The following TMEM45A variants were observed in gnomAD, a reference collection of about 807,000 sequenced individuals.
TMEM45A encodes transmembrane protein 45A, also known as DNA polymerase-transactivated protein 4.
In TMEM45A, 25 loss-of-function variants were observed where a neutral mutation model predicts 32.0. That is an observed-to-expected ratio of 0.78 (90% CI 0.57 to 1.09). The LOEUF (loss-of-function observed/expected upper bound fraction) is 1.09. TMEM45A is among the 50% of genes least tolerant of loss of function. TMEM45A has a pLI of 0.00. For synonymous variants in TMEM45A, 122 were observed against 114.8 expected (o/e 1.06, Z -0.40); for missense variants, 302 against 325.0 (o/e 0.93, Z 0.54).
intron 1 of TMEM45A, among the ~76,000 whole-genome samples, chr3:100,542,345 G>C (rs1705900469): frequency 6.6e-6 from 1 of 151,970 alleles, no homozygotes; most frequent in Admixed American, 6.6e-5. Context: ...ATGAATACTA[G>C]AAGGATCGTA....
intron 1 of TMEM45A, among the ~76,000 whole-genome samples, chr3:100,494,110 G>C (rs1174168986): frequency 1.3e-5 from 2 of 152,144 alleles, no homozygotes; most frequent in Non-Finnish European, 2.9e-5. Flanking sequence ...GATAGTTCCG[G>C]TATACATTAC....
At chr3:100,546,423 T>C (rs957234596) in intron 1 of TMEM45A, among the ~76,000 whole-genome samples, 1 of 152,256 alleles carries the variant, frequency 6.6e-6, no homozygotes, top group African/African-American at 2.4e-5. Context: ...GATCCTTAGA[T>C]ACAAAGTGAT....
intron 1 of TMEM45A, among the ~76,000 whole-genome samples, chr3:100,505,486 A>G (rs1372680250): frequency 6.6e-6 from 1 of 152,170 alleles, no homozygotes; most frequent in East Asian, 1.9e-4. Flanking sequence ...CAGGAAATTT[A>G]TGTTTAATAG....
At chr3:100,557,066 C>G (rs1018821789) in intron 3 of TMEM45A, 94 bp downstream of exon 3, 15 of 1,382,016 alleles carry the variant, frequency 1.1e-5, no homozygotes, top group African/African-American at 2.8e-5. Context: ...CTTGTTGCAG[C>G]CTTGATTGAT....
intron 1 of TMEM45A, among the ~76,000 whole-genome samples, chr3:100,520,258 G>A (rs554830987): frequency 6.6e-5 from 10 of 152,264 alleles, no homozygotes; most frequent in African/African-American, 1.9e-4. Flanking sequence ...TTGAGAAAGA[G>A]CTCCCCTGCA....
At chr3:100,541,834 G>A (rs931610699) in intron 1 of TMEM45A, among the ~76,000 whole-genome samples, 8 of 152,220 alleles carry the variant, frequency 5.3e-5, no homozygotes, top group South Asian at 2.1e-4. Context: ...TAGGGGTCAA[G>A]GTTCATTCTT....
chr3:100,506,853 G>C (rs1032159758), intron 1 of TMEM45A, among the ~76,000 whole-genome samples: 2 of 152,142 alleles, frequency 1.3e-5, no homozygotes, highest in Admixed American at 1.3e-4. Flanking sequence ...AAACCAGGCA[G>C]GCCAAGATCT....
chr3:100,514,092 C>G (rs1264483385), intron 1 of TMEM45A, among the ~76,000 whole-genome samples: 1 of 152,168 alleles, frequency 6.6e-6, no homozygotes, highest in African/African-American at 2.4e-5. Flanking sequence ...TATCAAGCTA[C>G]CAATGACTTT....
At chr3:100,575,028 G>A (rs1388117687) in intron 5 of TMEM45A, among the ~76,000 whole-genome samples, 2 of 152,142 alleles carry the variant, frequency 1.3e-5, no homozygotes, top group Non-Finnish European at 2.9e-5. Context: ...AGGCAGGCCA[G>A]ACTTTCATCA....
chr3:100,498,505 G>A lies in TMEM45A; in HGVS notation c.-4+5577G>A, dbSNP rs115823748. ...CACCTTCAGCCTGCTAGCCTACCCT[G>A]TAGGTTTTGGACTTGCTAGCCTTCA... On this transcript the variant is annotated intron_variant, in intron 1 of 5. Transcript: ENST00000323523. Among the ~76,000 whole-genome samples the A allele has an allele frequency of 2.3e-3, 348 of 152,272 alleles. 1 individual carries two copies. Among genetic ancestry groups the A allele is most frequent in the Non-Finnish European group, 4.0e-3 (270 of 68,016 alleles).
intron 4 of TMEM45A, among the ~76,000 whole-genome samples, chr3:100,564,474 G>GTTT (rs372982304): frequency 7.0e-6 from 1 of 142,894 alleles, no homozygotes. Context: ...TATTATTATT[G>GTTT]TTTTTTTTTT....
chr3:100,504,100 A>T lies in TMEM45A; in HGVS notation c.-4+11172A>T, dbSNP rs145264658. On this transcript the variant is annotated intron_variant, in intron 1 of 5. Transcript: ENST00000323523. The stretch of plus-strand genomic sequence containing the variant: ...CTGTCCATTTGTGATCCTGGGAGAG[A>T]GAAACACTGTCTCCTCTGTGCCTGA... 3.2e-3 allele frequency among the ~76,000 whole-genome samples: 480 copies of T among 152,178 alleles called. 4 individuals are homozygous for T. Among genetic ancestry groups the T allele is most frequent in the Non-Finnish European group, 5.1e-3 (350 of 67,996 alleles).
At chr3:100,537,382 T>A (rs763205294) in intron 1 of TMEM45A, among the ~76,000 whole-genome samples, 1 of 152,206 alleles carries the variant, frequency 6.6e-6, no homozygotes, top group Non-Finnish European at 1.5e-5. Context: ...CAGAGATCTA[T>A]TAGCCTCAGT....
intron 5 of TMEM45A, chr3:100,571,840 A>T (rs1279497869): frequency 6.6e-6 from 1 of 152,092 alleles, no homozygotes; most frequent in Non-Finnish European, 1.5e-5. Context: ...ATGAGTGAGA[A>T]TATGCGGTGT....
intron 1 of TMEM45A, among the ~76,000 whole-genome samples, chr3:100,506,987 T>A (rs886311558): frequency 1.3e-5 from 2 of 151,904 alleles, no homozygotes; most frequent in African/African-American, 4.8e-5. Context: ...GACTAAAGAG[T>A]CAGGGTTTGT....
At chr3:100,493,120 CTTTTTTTT>C (rs570241165) in intron 1 of TMEM45A, among the ~76,000 whole-genome samples, 192 bp downstream of exon 1, 42 of 115,896 alleles carry the variant, frequency 3.6e-4, no homozygotes, top group Middle Eastern at 4.9e-3. Context: ...GTTTGCTATT[CTTTTTTTT>C]TTTTTTTTTT....
intron 1 of TMEM45A, among the ~76,000 whole-genome samples, chr3:100,536,054 C>T (rs1266781884): frequency 1.3e-5 from 2 of 152,080 alleles, no homozygotes; most frequent in Admixed American, 6.5e-5. Flanking sequence ...TATCAATATC[C>T]ATAGATATTT....
chr3:100,560,429 T>C (rs1005270803), intron 4 of TMEM45A, among the ~76,000 whole-genome samples: 3 of 152,210 alleles, frequency 2.0e-5, no homozygotes. Context: ...TAGTTTTCAC[T>C]GTTGGGTAAT....
At chr3:100,497,542 T>C (rs1707946732) in intron 1 of TMEM45A, among the ~76,000 whole-genome samples, 1 of 152,232 alleles carries the variant, frequency 6.6e-6, no homozygotes, top group East Asian at 1.9e-4. Context: ...TTAATACTCA[T>C]TAAACAATAA....
Sources: allele counts gnomAD v4.1 joint callset (sites outside exome capture counted in the v4.1 genomes callset), GRCh38; gene constraint gnomAD v4.1.1; transcripts MANE v1.5; gene names NCBI Gene and HGNC (gene_info 2026-07-23, HGNC 2026-07-21).